Variants in LHFPL2 observed in about 807,000 individuals in gnomAD.
The protein encoded by LHFPL2 is LHFPL tetraspan subfamily member 2.
Under a neutral mutation model 17.5 loss-of-function variants are expected in LHFPL2, and 7 were observed. The observed-to-expected ratio is 0.40, with a 90% CI of 0.23 to 0.75. The LOEUF is 0.75. LHFPL2 is among the 30% of genes least tolerant of loss of function. LHFPL2 has a pLI of 0.37. For synonymous variants in LHFPL2, 134 were observed against 116.2 expected, an observed-to-expected ratio of 1.15 and a Z score of -0.99; for missense variants, 241 against 294.8, an observed-to-expected ratio of 0.82 and a Z score of 1.34.
At chr5:78,580,431 C>T (rs943453739) in intron 2 of LHFPL2, among the ~76,000 whole-genome samples, 3 of 151,644 alleles carry the variant, frequency 2.0e-5, no homozygotes, top group Non-Finnish European at 2.9e-5. Context: ...ATGCCTATGT[C>T]CTGAATGGTA....
intron 2 of LHFPL2, among the ~76,000 whole-genome samples, chr5:78,577,802 C>CT (rs527326951): frequency 6.9e-4 from 99 of 143,620 alleles, no homozygotes; most frequent in African/African-American, 1.6e-3. Context: ...GTCCTTTGAG[C>CT]TTTTTTTTTT....
chr5:78,560,715 CT>C (rs937122616), intron 3 of LHFPL2, among the ~76,000 whole-genome samples: 2 of 152,056 alleles, frequency 1.3e-5, no homozygotes, highest in African/African-American at 4.8e-5. Context: ...TGCATTTTTT[CT>C]TTTTTTCCTC....
intron 2 of LHFPL2, among the ~76,000 whole-genome samples, chr5:78,606,310 T>C (rs146373380): frequency 1.3e-5 from 2 of 152,344 alleles, no homozygotes; most frequent in African/African-American, 4.8e-5. Context: ...AGAAGCAGCC[T>C]TCACTTTTTT....
At chr5:78,542,674 T>G (rs1351101904) in intron 3 of LHFPL2, among the ~76,000 whole-genome samples, 1 of 152,170 alleles carries the variant, frequency 6.6e-6, no homozygotes. Context: ...CCTTTCAGAC[T>G]GCTTCTCCCA....
chr5:78,523,024 G>A lies in LHFPL2; in HGVS notation c.-185-12626C>T, dbSNP rs549259916. ...CACTTCTTAATAGAAGTCAAGAAGGGTGGACCATGCTGACACTGCTTATGT... is the reference window on the plus strand; with the variant it reads ...CACTTCTTAATAGAAGTCAAGAAGGATGGACCATGCTGACACTGCTTATGT... On this transcript the variant is annotated intron_variant, in intron 3 of 4. Transcript: ENST00000380345. Among the ~76,000 whole-genome samples the A allele has an allele frequency of 4.6e-5, 7 of 152,268 alleles. No homozygotes were observed. In the East Asian group the frequency reaches 1.3e-3, roughly 29 times the overall value.
rs576598747 is a variant in LHFPL2, at chr5:78,498,521, CT to C, written c.431-9369del. On this transcript the variant is annotated intron_variant, in intron 4 of 4. Coordinates refer to ENST00000380345, the MANE Select transcript of LHFPL2 (RefSeq NM_005779.3). ...AACTGTTGCTAGGTGGAGATATTTT[CT>C]CTTTTACAATATCCTAAGGCAAACT... 2.6e-3 allele frequency among the ~76,000 whole-genome samples: 391 copies of C among 152,322 alleles called. 2 individuals are homozygous for C. The highest frequency in any genetic ancestry group is 8.9e-3 in the African/African-American group (372 of 41,578).
intron 2 of LHFPL2, among the ~76,000 whole-genome samples, chr5:78,569,203 G>T (rs1168789155): frequency 6.6e-6 from 1 of 152,206 alleles, no homozygotes; most frequent in Non-Finnish European, 1.5e-5. Flanking sequence ...CAAAAATACA[G>T]TAAGAGCTCT....
chr5:78,487,915 G>GAAAT lies in LHFPL2; in HGVS notation c.*978_*981dup, dbSNP rs1394200917. The GAAAT allele has an allele frequency of 6.6e-6, 1 of 152,194 alleles. No homozygotes were observed. The highest frequency in any genetic ancestry group is 2.4e-5 in the African/African-American group (1 of 41,442). 9.4% of individuals were successfully genotyped at this position (152,194 alleles called of 1,614,324 possible). On this transcript the variant is annotated 3_prime_UTR_variant, in exon 5 of 5. Transcript: ENST00000380345. ...TGCCATTCTGCTACTGTCGGGATTG[G>GAAAT]AAATAGAGCTGACTACAGCATGGTC...
chr5:78,522,445 A>T (rs981363030), intron 3 of LHFPL2, among the ~76,000 whole-genome samples: 2 of 152,290 alleles, frequency 1.3e-5, no homozygotes, highest in Admixed American at 6.5e-5. Context: ...CTCAAAATAA[A>T]AAAAAAATTT....
intron 2 of LHFPL2, among the ~76,000 whole-genome samples, chr5:78,576,282 G>A (rs1236680373): frequency 6.7e-5 from 10 of 148,698 alleles, no homozygotes; most frequent in Non-Finnish European, 1.2e-4. Context: ...GCAACAGAGC[G>A]AGACTCCATC....
intron 1 of LHFPL2, among the ~76,000 whole-genome samples, chr5:78,633,457 C>T (rs963533159): frequency 1.3e-5 from 2 of 152,346 alleles, no homozygotes; most frequent in East Asian, 3.9e-4. Context: ...AAGTCTCCAC[C>T]ATCCCAGACC....
At chr5:78,489,552 C>T (rs1032974161) in intron 4 of LHFPL2, among the ~76,000 whole-genome samples, 2 of 152,120 alleles carry the variant, frequency 1.3e-5, no homozygotes, top group Non-Finnish European at 2.9e-5. Flanking sequence ...TACAGGCACA[C>T]ACCACCACAC....
intron 2 of LHFPL2, chr5:78,624,781 C>T (rs1231191341): frequency 1.3e-5 from 2 of 151,762 alleles, no homozygotes; most frequent in African/African-American, 2.4e-5. Context: ...GGCTGTGTGG[C>T]TTACCATCCT....
At chr5:78,598,674 T>G (rs1240696534) in intron 2 of LHFPL2, among the ~76,000 whole-genome samples, 1 of 152,218 alleles carries the variant, frequency 6.6e-6, no homozygotes, top group Non-Finnish European at 1.5e-5. Context: ...ACAATGGGAT[T>G]CTTTTTATAG....
intron 1 of LHFPL2, among the ~76,000 whole-genome samples, chr5:78,640,110 G>A (rs1272348658): frequency 2.6e-5 from 4 of 152,132 alleles, no homozygotes; most frequent in Non-Finnish European, 4.4e-5. Context: ...TAATTTTCCG[G>A]GCATGTGGGG....
intron 2 of LHFPL2, among the ~76,000 whole-genome samples, chr5:78,608,712 C>T (rs2112482746): frequency 6.6e-6 from 1 of 152,182 alleles, no homozygotes; most frequent in East Asian, 1.9e-4. Flanking sequence ...GGAGGTGGAT[C>T]ATGAGGTCAG....
At chr5:78,622,922 G>A (rs960936565) in intron 2 of LHFPL2, among the ~76,000 whole-genome samples, 1 of 152,160 alleles carries the variant, frequency 6.6e-6, no homozygotes, top group African/African-American at 2.4e-5. Context: ...GTCAGGCCTT[G>A]TAAAGAAGGG....
At chr5:78,550,857 CA>C (rs1316823345) in intron 3 of LHFPL2, among the ~76,000 whole-genome samples, 10 of 152,194 alleles carry the variant, frequency 6.6e-5, no homozygotes, top group Non-Finnish European at 1.2e-4. Flanking sequence ...AGGCGTCAGT[CA>C]CCGTGCCCAG....
At chr5:78,578,620 CAG>C (rs1417919273) in intron 2 of LHFPL2, among the ~76,000 whole-genome samples, 6 of 149,606 alleles carry the variant, frequency 4.0e-5, no homozygotes, top group African/African-American at 7.4e-5. Flanking sequence ...CACACACACA[CAG>C]AGACAGGTCA....
Sources: allele counts gnomAD v4.1 joint callset (sites outside exome capture counted in the v4.1 genomes callset), GRCh38; gene constraint gnomAD v4.1.1; transcripts MANE v1.5; gene names NCBI Gene and HGNC (gene_info 2026-07-23, HGNC 2026-07-21).